ATAD2: variants seen among roughly 807,000 people sequenced by gnomAD.
ATAD2 encodes the protein ATPase family AAA domain-containing protein 2.
In ATAD2, 62 loss-of-function variants were observed where a neutral mutation model predicts 168.9. The ratio of observed to expected loss-of-function variants is 0.37; its 90% CI spans 0.30 to 0.45. ATAD2 has a LOEUF of 0.45. Among genes scored for constraint, ATAD2 ranks in the 20% least tolerant of loss-of-function variants. The pLI, the probability that ATAD2 is intolerant of heterozygous loss-of-function variation, is 1.00. For missense variants in ATAD2, 1,419 were observed against 1,667.8 expected (o/e 0.85, Z 2.60); for synonymous variants, 613 against 571.6 (o/e 1.07, Z -1.03).
Position 123,347,317 on chromosome 8 carries a change from C to T in ATAD2, c.1987G>A (p.Glu663Lys). 1 of 1,613,980 alleles carries T rather than the reference C, an allele frequency of 6.2e-7. No individual in the cohort carries two copies. ...RRYPQIYTTS[E>K]KLQLDLSSIN... ...GAAGAGAGATCCAACTGCAGTTTCT[C>T]ACTAGTGGTATAGATCTGTGGGTAG... Residue 663 changes from glutamate (E) to lysine (K), a missense_variant, in exon 16 of 28, where the codon GAG (glutamate) becomes AAG (lysine). By Grantham distance (56) the Glu-to-Lys change is moderately conservative. Around this residue, in one of 5 missense-constraint regions of ATAD2, gnomAD observed 545 missense variants for 724.9 expected, o/e 0.75. Coordinates refer to ENST00000287394, the MANE Select transcript of ATAD2 (RefSeq NM_014109.4).
intron 13 of ATAD2, chr8:123,352,606 T>C (rs1828503647): frequency 6.6e-6 from 1 of 151,984 alleles, no homozygotes. Flanking sequence ...TGAATAACAG[T>C]GCTGAAGAGG....
intron 1 of ATAD2, among the ~76,000 whole-genome samples, chr8:123,413,406 T>TTGACAGTACTATGCCTGGCATAGTAC (rs1813191170): frequency 6.6e-6 from 1 of 152,208 alleles, no homozygotes; most frequent in Non-Finnish European, 1.5e-5. Flanking sequence ...GTACCTATGT[T>TTGACAGTACTATGCCTGGCATAGTAC]CTGCCAGGCA....
chr8:123,413,011 T>G (rs1419608461), intron 1 of ATAD2, among the ~76,000 whole-genome samples: 2 of 152,130 alleles, frequency 1.3e-5, no homozygotes, highest in African/African-American at 4.8e-5. Context: ...ATTGTAAATA[T>G]GTATTACTTA....
At chr8:123,386,367 C>T (rs760104949) in intron 1 of ATAD2, among the ~76,000 whole-genome samples, 1 of 152,076 alleles carries the variant, frequency 6.6e-6, no homozygotes, top group Admixed American at 6.5e-5. Context: ...ACACATGCTA[C>T]AATATGGATG....
At chr8:123,401,096 T>C (rs1812990002), upstream of ATAD2, 10 of 1,526,240 alleles carry the variant, frequency 6.6e-6, no homozygotes, top group Non-Finnish European at 9.0e-6. Context: ...CACACCACCC[T>C]CCTCAGTGAG....
intron 17 of ATAD2, 113 bp from the exon 18 acceptor site, chr8:123,346,385 C>A: frequency 2.8e-6 from 3 of 1,076,594 alleles, no homozygotes; most frequent in South Asian, 3.6e-5. Context: ...TAAGGCCAAC[C>A]AATCATAACA....
At chr8:123,333,432 A>G (rs1304270177) in intron 24 of ATAD2, among the ~76,000 whole-genome samples, 7 of 118,556 alleles carry the variant, frequency 5.9e-5, no homozygotes, top group South Asian at 2.7e-4. Context: ...AAAAAAAAAA[A>G]GGGTAGTGAG....
At chr8:123,383,564 G>A (rs1260238697) in intron 1 of ATAD2, among the ~76,000 whole-genome samples, 1 of 152,060 alleles carries the variant, frequency 6.6e-6, no homozygotes, top group East Asian at 1.9e-4. Context: ...CTGAGATTGG[G>A]AGTTCGAGAC....
intron 1 of ATAD2, among the ~76,000 whole-genome samples, chr8:123,403,526 T>G (rs56071873): frequency 2.0e-5 from 3 of 151,716 alleles, no homozygotes; most frequent in Non-Finnish European, 4.4e-5. Context: ...AACCTCGAAC[T>G]CCTGGATTCA....
intron 8 of ATAD2, among the ~76,000 whole-genome samples, chr8:123,365,432 C>T (rs567550400): frequency 6.6e-6 from 1 of 152,062 alleles, no homozygotes; most frequent in South Asian, 2.1e-4. Context: ...AAAAACAATC[C>T]TAAAATTCAT....
rs570479993 is a variant in ATAD2 at position 123,353,663 on chromosome 8, C to T, written c.1646+2726G>A. On this transcript the variant is annotated intron_variant, in intron 13 of 27. Transcript: ENST00000287394. ...TTACAATCCGCCATCTCTCCTGAGT[C>T]CTAATATTTAGAGACCACACTCAGG... Among the ~76,000 whole-genome samples, 33 of 152,096 alleles carry T rather than the reference C, an allele frequency of 2.2e-4. No individual in the cohort carries two copies. The South Asian group carries it at 2.3e-3, about 11-fold the overall frequency.
At chr8:123,343,764 G>A (rs1229011616) in intron 19 of ATAD2, among the ~76,000 whole-genome samples, 3 of 152,266 alleles carry the variant, frequency 2.0e-5, no homozygotes, top group South Asian at 2.1e-4. Flanking sequence ...TTAATGGCAG[G>A]AGGCAATACA....
chr8:123,344,868 G>A lies in ATAD2; in HGVS notation c.2718+16C>T, dbSNP rs754624030. On this transcript the variant is annotated intron_variant, in intron 19 of 27. Coordinates refer to ENST00000287394, the MANE Select transcript of ATAD2 (RefSeq NM_014109.4). ...CTCTTTTTGAAAGTATAATGATACC[G>A]CCCCACATAAATTACCTCTTCTGGC... The A allele has an allele frequency of 2.4e-5, 38 of 1,611,086 alleles. No individual in the cohort carries two copies. Among genetic ancestry groups the A allele is most frequent in the African/African-American group, 5.3e-5 (4 of 74,812 alleles).
In ATAD2 at chr8:123,357,682, T is replaced by C. The variant is rs1286358664; in HGVS notation, c.1437A>G (p.Ala479=). The C allele has an allele frequency of 1.1e-5, 17 of 1,613,572 alleles. No homozygotes were observed. Among genetic ancestry groups the C allele is most frequent in the African/African-American group, 4.0e-5 (3 of 74,914 alleles). Reference sequence around the variant, plus strand: ...CCCCTTGACTGCACTCATTGGCAAGTGCTCTGGCAACCAGAGTCTTTCCAG... The same window carrying C: ...CCCCTTGACTGCACTCATTGGCAAGCGCTCTGGCAACCAGAGTCTTTCCAG... The part of the protein sequence containing the change: ...PGTGKTLVAR[A]LANECSQGDK... The change falls in exon 12 of 28, where the codon GCA becomes GCG. Residue 479 remains alanine, a synonymous_variant. Transcript: ENST00000287394.
At chr8:123,364,501 C>A (rs7835285) in intron 8 of ATAD2, among the ~76,000 whole-genome samples, 2 of 151,906 alleles carry the variant, frequency 1.3e-5, no homozygotes, top group Non-Finnish European at 2.9e-5. Flanking sequence ...AACATCCCTG[C>A]GAACATAGAT....
chr8:123,409,157 A>G (rs4307325), intron 1 of ATAD2, among the ~76,000 whole-genome samples: 53,426 of 151,804 alleles, frequency 0.35, 9,527 homozygotes, highest in East Asian at 0.55. Context: ...TTCAGGCCTT[A>G]CCTCTCTATT....
Position 123,321,136 on chromosome 8 carries a change from A to G in ATAD2, c.4171T>C (p.Ter1391ArgextTer1), listed in dbSNP as rs751396049. Residue 1391 changes from the stop codon to arginine, a stop_lost, in exon 28 of 28, where the codon TGA becomes CGA. Transcript: ENST00000287394. ...QEVENFSCSR[*>R] Reference sequence around the variant, plus strand: ...GAATACTCGATACCATGACATCATCATCTGGAACAACTGAAGTTTTCTACC... The same window carrying G: ...GAATACTCGATACCATGACATCATCGTCTGGAACAACTGAAGTTTTCTACC... 14 of 1,608,936 alleles carry G rather than the reference A, an allele frequency of 8.7e-6. No homozygotes were observed. Among genetic ancestry groups the G allele is most frequent in the Non-Finnish European group, 6.8e-6 (8 of 1,178,774 alleles).
At chr8:123,405,263 T>TC (rs932989043) in intron 1 of ATAD2, among the ~76,000 whole-genome samples, 14 of 150,976 alleles carry the variant, frequency 9.3e-5, no homozygotes, top group Admixed American at 2.6e-4. Context: ...TTTCTTTCTT[T>TC]TTTTTTTTTT....
In ATAD2 at chr8:123,346,638, A is replaced by C. The variant is rs1177739627; in HGVS notation, c.2325T>G (p.Phe775Leu). 1 of 1,564,904 alleles carries C rather than the reference A, an allele frequency of 6.4e-7. No homozygotes were observed. The highest frequency in any genetic ancestry group is 8.6e-7 in the Non-Finnish European group (1 of 1,156,244). ...QKSSHKAKDN[F>L]NFLHLNRNAC... ...TATACCTATTCAAATGAAGAAAATTAAAATTGTCTTTTGCCTTATGAGAAG... is the reference window on the plus strand; with the variant it reads ...TATACCTATTCAAATGAAGAAAATTCAAATTGTCTTTTGCCTTATGAGAAG... Residue 775 changes from phenylalanine (F) to leucine (L), a missense_variant, in exon 17 of 28, where the codon TTT becomes TTG. Transcript: ENST00000287394.
Sources: allele counts gnomAD v4.1 joint callset (sites outside exome capture counted in the v4.1 genomes callset), GRCh38; gene constraint gnomAD v4.1.1; regional missense constraint gnomAD v4.1.1; transcripts MANE v1.5; gene names NCBI Gene and HGNC (gene_info 2026-07-23, HGNC 2026-07-21).